SLC22A3: variants seen among roughly 807,000 people sequenced by gnomAD.
SLC22A3 encodes solute carrier family 22 member 3.
A neutral mutation model predicts 59.1 loss-of-function variants in SLC22A3; 51 were observed. The ratio of observed to expected loss-of-function variants is 0.86; its 90% CI spans 0.69 to 1.09. The LOEUF is 1.09. Among genes scored for constraint, SLC22A3 ranks in the 50% least tolerant of loss-of-function variants. The pLI, the probability that SLC22A3 is intolerant of heterozygous loss-of-function variation, is 0.00. For missense variants in SLC22A3, 711 were observed against 726.3 expected (o/e 0.98, Z 0.24); for synonymous variants, 325 against 292.0 (o/e 1.11, Z -1.15).
intron 5 of SLC22A3, among the ~76,000 whole-genome samples, chr6:160,416,282 A>G (rs1025428080): frequency 6.6e-6 from 1 of 152,160 alleles, no homozygotes; most frequent in Non-Finnish European, 1.5e-5. Context: ...TCAAAAACCA[A>G]TGCAAAACAG....
chr6:160,403,573 T>A (rs568563498), intron 2 of SLC22A3, among the ~76,000 whole-genome samples: 1 of 151,956 alleles, frequency 6.6e-6, no homozygotes, highest in South Asian at 2.1e-4. Flanking sequence ...AATACCTAAA[T>A]TGGACAGACA....
intron 1 of SLC22A3, among the ~76,000 whole-genome samples, chr6:160,352,096 G>C (rs971657272): frequency 1.3e-5 from 2 of 152,224 alleles, no homozygotes; most frequent in Non-Finnish European, 2.9e-5. Flanking sequence ...ACTGGCAGAT[G>C]GGGAGGCTGT....
chr6:160,408,649 T>C, intron 3 of SLC22A3, 104 bp from the exon 4 acceptor site: 5 of 1,116,918 alleles, frequency 4.5e-6, no homozygotes, highest in Non-Finnish European at 6.7e-6. Context: ...TAGCGTGTTC[T>C]AGCAATGCTG....
At position 160,452,039 on chromosome 6, in the gene SLC22A3, G is replaced by A. The variant is rs1395805577; in HGVS notation, c.*983G>A. 2.0e-5 allele frequency: 3 copies of A among 152,192 alleles called. No individual in the cohort carries two copies. Among genetic ancestry groups the A allele is most frequent in the African/African-American group, 7.2e-5 (3 of 41,442 alleles). 9.4% of individuals were successfully genotyped at this position (152,192 alleles called of 1,614,324 possible). On this transcript the variant is annotated 3_prime_UTR_variant, in exon 11 of 11. Transcript: ENST00000275300. The stretch of plus-strand genomic sequence containing the variant: ...AGCTTACATTTTAATTTAAAAGAAA[G>A]ATCAATTATATCCATGCTTAACAGG...
chr6:160,373,404 A>G lies in SLC22A3; in HGVS notation c.429+24556A>G, dbSNP rs141908954. On this transcript the variant is annotated intron_variant, in intron 1 of 10. Coordinates refer to ENST00000275300, the MANE Select transcript of SLC22A3 (RefSeq NM_021977.4). ...GCTTTGTCTCAGAGGGGCACTCACC[A>G]GATGTGAGCCAGAGCTCTTTTGTAT... Among the ~76,000 whole-genome samples the G allele has an allele frequency of 6.4e-3, 974 of 152,236 alleles. 3 individuals are homozygous for G. The highest frequency in any genetic ancestry group is 9.5e-3 in the Non-Finnish European group (648 of 67,994).
chr6:160,358,627 G>C (rs1170496669), intron 1 of SLC22A3, among the ~76,000 whole-genome samples: 1 of 152,206 alleles, frequency 6.6e-6, no homozygotes, highest in Non-Finnish European at 1.5e-5. Flanking sequence ...TTGTGATATA[G>C]AGTGAACAAT....
intron 1 of SLC22A3, among the ~76,000 whole-genome samples, chr6:160,361,904 A>C (rs1369084714): frequency 6.6e-6 from 1 of 152,236 alleles, no homozygotes; most frequent in Non-Finnish European, 1.5e-5. Context: ...GTGTCTGGGG[A>C]GCTTTCCCCT....
intron 1 of SLC22A3, among the ~76,000 whole-genome samples, chr6:160,393,004 A>G (rs1786323351): frequency 1.3e-5 from 2 of 152,076 alleles, no homozygotes; most frequent in Admixed American, 1.3e-4. Context: ...CTAGAAAATT[A>G]AAACAGAAGC....
At chr6:160,406,942 A>G in intron 2 of SLC22A3, 99 bp from the exon 3 acceptor site, 1 of 1,333,380 alleles carries the variant, frequency 7.5e-7, no homozygotes, top group Non-Finnish European at 1.0e-6. Flanking sequence ...ATAATGTAAT[A>G]CAGTATAATA....
rs373222181 is a variant in SLC22A3 at position 160,393,023 on chromosome 6, A to G, written c.430-4956A>G. Among the ~76,000 whole-genome samples the G allele has an allele frequency of 1.4e-4, 21 of 152,168 alleles. No individual in the cohort carries two copies. In the East Asian group the frequency reaches 3.1e-3, roughly 22 times the overall value. ...AAAATTAAAACAGAAGCACATAGAT[A>G]TTGCAATTTGACTTCAGAGACTTCC... On this transcript the variant is annotated intron_variant, in intron 1 of 10. Coordinates refer to ENST00000275300, the MANE Select transcript of SLC22A3 (RefSeq NM_021977.4).
intron 1 of SLC22A3, among the ~76,000 whole-genome samples, chr6:160,392,404 T>C (rs986192852): frequency 6.6e-6 from 1 of 152,254 alleles, no homozygotes; most frequent in African/African-American, 2.4e-5. Flanking sequence ...GATTCCATTC[T>C]GTTTAGATCT....
At chr6:160,427,901 C>T (rs973446448) in intron 5 of SLC22A3, among the ~76,000 whole-genome samples, 2 of 152,262 alleles carry the variant, frequency 1.3e-5, no homozygotes, top group East Asian at 1.9e-4. Flanking sequence ...TTTCTATTTC[C>T]GTGATGACTG....
intron 5 of SLC22A3, among the ~76,000 whole-genome samples, chr6:160,432,514 G>A (rs1222266119): frequency 6.8e-6 from 1 of 146,068 alleles, no homozygotes; most frequent in Admixed American, 7.0e-5. Flanking sequence ...CTGCAACTCC[G>A]CCTCCCAGGT....
chr6:160,365,511 A>C (rs1785174851), intron 1 of SLC22A3, among the ~76,000 whole-genome samples: 1 of 152,218 alleles, frequency 6.6e-6, no homozygotes. Flanking sequence ...TAACACTTGC[A>C]GTTCCCAGAT....
intron 1 of SLC22A3, among the ~76,000 whole-genome samples, chr6:160,393,594 C>G (rs1786351076): frequency 6.6e-6 from 1 of 152,058 alleles, no homozygotes; most frequent in African/African-American, 2.4e-5. Flanking sequence ...CCAGCTTCAT[C>G]CATGTCCCTA....
chr6:160,410,601 A>T lies in SLC22A3; in HGVS notation c.858-128A>T, dbSNP rs1468330604. ...ATAATCTGTATTTCAGGGACCTATT[A>T]TCAACTCTTATTGACTCCTAAATGT... On this transcript the variant is annotated intron_variant, in intron 4 of 10. Coordinates refer to ENST00000275300, the MANE Select transcript of SLC22A3 (RefSeq NM_021977.4). 3 of 715,168 alleles carry T rather than the reference A, an allele frequency of 4.2e-6. No homozygotes were observed. In the Admixed American group the frequency reaches 5.6e-5, roughly 13 times the overall value. 44.3% of individuals were successfully genotyped at this position (715,168 alleles called of 1,614,324 possible). A position where few individuals can be genotyped will look rare whatever the true frequency, so the allele number is the denominator to read the frequency against.
chr6:160,406,859 T>A (rs555366081), intron 2 of SLC22A3, among the ~76,000 whole-genome samples, 182 bp from the exon 3 acceptor site: 1 of 152,200 alleles, frequency 6.6e-6, no homozygotes, highest in Admixed American at 6.5e-5. Flanking sequence ...TTCTGTACTT[T>A]AAATTTTGTA....
intron 1 of SLC22A3, among the ~76,000 whole-genome samples, chr6:160,354,035 G>C (rs996878698): frequency 2.6e-5 from 4 of 152,144 alleles, no homozygotes; most frequent in African/African-American, 7.2e-5. Flanking sequence ...ACTGGGGAGC[G>C]GGGGAAGCCC....
At chr6:160,379,010 C>A (rs1364626096) in intron 1 of SLC22A3, among the ~76,000 whole-genome samples, 2 of 152,158 alleles carry the variant, frequency 1.3e-5, no homozygotes, top group African/African-American at 2.4e-5. Context: ...CCAAGTTGAA[C>A]CATCCTAAGT....
Sources: gnomAD v4.1 joint callset for allele counts (sites outside exome capture counted in the v4.1 genomes callset) on GRCh38, gnomAD v4.1.1 for gene constraint, MANE v1.5 for transcripts, NCBI Gene and HGNC (gene_info 2026-07-23, HGNC 2026-07-21) for gene names.